The following TIMELESS variants were observed in gnomAD, a reference collection of about 807,000 sequenced individuals.
The protein encoded by TIMELESS is timeless circadian regulator, also known as protein timeless homolog.
In TIMELESS, 124 loss-of-function variants were observed where a neutral mutation model predicts 164.3. The ratio of observed to expected loss-of-function variants is 0.75; its 90% CI spans 0.65 to 0.88. The LOEUF is 0.88. TIMELESS is among the 40% of genes least tolerant of loss of function. The probability of loss-of-function intolerance (pLI) is 0.00; values close to 1 mark genes in which losing one functional copy is unlikely to be tolerated. For missense variants in TIMELESS, 1,422 were observed against 1,491.4 expected, an observed-to-expected ratio of 0.95 and a Z score of 0.77; for synonymous variants, 564 against 563.4, an observed-to-expected ratio of 1.00 and a Z score of -0.02.
At chr12:56,429,796 G>GT (rs1881811801) in intron 10 of TIMELESS, among the ~76,000 whole-genome samples, 1 of 151,440 alleles carries the variant, frequency 6.6e-6, no homozygotes, top group African/African-American at 2.4e-5. Flanking sequence ...GATTACAGGT[G>GT]TGAGCCACCA....
rs1217372941 is a variant in TIMELESS, at chr12:56,428,244, C to G, written c.1570G>C (p.Val524Leu). Residue 524 changes from valine (V) to leucine (L), a missense_variant, in exon 13 of 29, where the codon GTG (valine) becomes CTG (leucine). Transcript: ENST00000553532. ...ERFCRSRGNL[V>L]VQNKQKKRRK... ...GTGGGGCTGCCCAGTACCTGCACCA[C>G]CAGGTTCCCACGGCTCCGACAGAAT... The G allele has an allele frequency of 1.2e-6, 2 of 1,600,788 alleles. No homozygotes were observed. Among genetic ancestry groups the G allele is most frequent in the Admixed American group, 1.7e-5 (1 of 58,722 alleles).
chr12:56,426,247 C>T (rs983502780), intron 13 of TIMELESS, among the ~76,000 whole-genome samples: 3 of 152,152 alleles, frequency 2.0e-5, no homozygotes, highest in Non-Finnish European at 4.4e-5. Flanking sequence ...CCTAGTATTA[C>T]AGATAATACC....
intron 15 of TIMELESS, 128 bp from the exon 16 acceptor site, chr12:56,424,022 CAAA>C: frequency 2.5e-6 from 2 of 802,176 alleles, no homozygotes; most frequent in Non-Finnish European, 3.9e-6. Flanking sequence ...ACTGTTACCT[CAAA>C]TGAAACAAAG....
At chr12:56,433,190 T>TG in intron 5 of TIMELESS, 63 bp from the exon 6 acceptor site, 1 of 1,531,190 alleles carries the variant, frequency 6.5e-7, no homozygotes, top group South Asian at 1.1e-5. Context: ...GTACTCTGGC[T>TG]GGAAGACCCA....
At chr12:56,432,669 G>A (rs1290061463) in intron 6 of TIMELESS, 145 bp from the exon 7 acceptor site, 1 of 1,168,646 alleles carries the variant, frequency 8.6e-7, no homozygotes, top group Non-Finnish European at 1.2e-6. Context: ...GCTTGGCCGG[G>A]CGCGGTGGCT....
Position 56,433,774 on chromosome 12 carries a change from T to G in TIMELESS, c.250A>C (p.Arg84=). 1 of 1,614,178 alleles carries G rather than the reference T, an allele frequency of 6.2e-7. No individual in the cohort carries two copies. Among genetic ancestry groups the G allele is most frequent in the Middle Eastern group, 1.6e-4 (1 of 6,062 alleles). Residue 84 remains arginine, a splice_region_variant and synonymous_variant, in exon 3 of 29, where the codon AGA becomes CGA. Transcript: ENST00000553532. ...AAGTTTAAAAGCTAGGGAGGCAACC[T>G]GATAACAGCATCAAAGAGAGGCTTG... ...QDKPLFDAVI[R]LMVNLTQPAL...
intron 7 of TIMELESS, 138 bp from the exon 8 acceptor site, chr12:56,431,742 G>A (rs1449498797): frequency 3.7e-6 from 4 of 1,078,344 alleles, no homozygotes; most frequent in Non-Finnish European, 5.0e-6. Context: ...CTTATCTGAG[G>A]GGGAAATGTT....
At chr12:56,436,700 G>T (rs1882081471) in intron 1 of TIMELESS, among the ~76,000 whole-genome samples, 2 of 152,186 alleles carry the variant, frequency 1.3e-5, no homozygotes, top group South Asian at 4.1e-4. Flanking sequence ...ACAGTGGTCA[G>T]AATTCAGTAA....
Position 56,433,480 on chromosome 12 carries a change from T to C in TIMELESS, c.367-37A>G, listed in dbSNP as rs72478926. 9.8e-4 allele frequency: 1,585 copies of C among 1,614,000 alleles called. 23 individuals carry two copies. The East Asian group carries it at 0.024, about 25-fold the overall frequency. ...GGAACCTGATCTTAAGTAGCAGTCA[T>C]CCACTTCTTCACCACTGCCCCATAT... On this transcript the variant is annotated intron_variant, in intron 4 of 28. Transcript: ENST00000553532.
At chr12:56,430,348 A>C in intron 9 of TIMELESS, 67 bp from the exon 10 acceptor site, 1 of 1,524,734 alleles carries the variant, frequency 6.6e-7, no homozygotes, top group African/African-American at 1.4e-5. Context: ...GCTCTCGTCA[A>C]TTTTCTCAGA....
chr12:56,417,977 C>A lies in TIMELESS; in HGVS notation c.3486G>T (p.Lys1162Asn), dbSNP rs778088019. The change falls in exon 28 of 29, where the codon AAG becomes AAT. Residue 1162 changes from lysine to asparagine, a missense_variant. By Grantham distance (94) the Lys-to-Asn change is moderately conservative. Transcript: ENST00000553532. Reference protein sequence around the residue: ...EEDAVGKEPLKAAPKKRQLLD... With the variant: ...EEDAVGKEPLNAAPKKRQLLD... ...GCAATTGTCGTTTCTTGGGTGCTGC[C>A]TTCAGCGGCTCTTTACCAACAGCGT... The A allele has an allele frequency of 1.2e-6, 2 of 1,614,202 alleles. No individual in the cohort carries two copies. Among genetic ancestry groups the A allele is most frequent in the Middle Eastern group, 1.6e-4 (1 of 6,062 alleles).
intron 1 of TIMELESS, among the ~76,000 whole-genome samples, chr12:56,439,691 C>T (rs1427369234): frequency 6.6e-6 from 1 of 152,114 alleles, no homozygotes; most frequent in Non-Finnish European, 1.5e-5. Flanking sequence ...AACCACCACA[C>T]CTAGCCTGAA....
rs183532466 is a variant in TIMELESS at position 56,430,658 on chromosome 12, T to C, written c.909+223A>G. On this transcript the variant is annotated intron_variant, in intron 9 of 28. Coordinates refer to ENST00000553532, the MANE Select transcript of TIMELESS (RefSeq NM_003920.5). ...TTAAGATTACAGGCATGAGCCATTG[T>C]ACCCAACCTTTAATTTAATTTTTTT... Among the ~76,000 whole-genome samples the C allele has an allele frequency of 4.6e-5, 7 of 152,262 alleles. No individual in the cohort carries two copies. In the South Asian group the frequency reaches 1.2e-3, roughly 27 times the overall value.
chr12:56,421,861 C>T, intron 21 of TIMELESS, 38 bp downstream of exon 21: 6 of 1,613,178 alleles, frequency 3.7e-6, no homozygotes, highest in Non-Finnish European at 5.1e-6. Flanking sequence ...GATCACGAGT[C>T]CCCATCCCAA....
At chr12:56,418,436 T>C in intron 26 of TIMELESS, 77 bp from the exon 27 acceptor site, 2 of 1,055,476 alleles carry the variant, frequency 1.9e-6, no homozygotes, top group Non-Finnish European at 2.8e-6. Context: ...TGAATATATA[T>C]GACCCAATAT....
At chr12:56,444,882 T>C (rs891650560) in intron 1 of TIMELESS, among the ~76,000 whole-genome samples, 18 of 151,552 alleles carry the variant, frequency 1.2e-4, no homozygotes, top group Non-Finnish European at 2.4e-4. Context: ...CCCTCTCCCA[T>C]GCACTTCAAC....
intron 1 of TIMELESS, among the ~76,000 whole-genome samples, chr12:56,444,331 A>C (rs1472895281): frequency 6.6e-6 from 1 of 152,054 alleles, no homozygotes; most frequent in East Asian, 1.9e-4. Flanking sequence ...CCTTCCTGTT[A>C]GGAACAATTG....
intron 13 of TIMELESS, among the ~76,000 whole-genome samples, chr12:56,427,864 C>T (rs184827644): frequency 2.6e-5 from 4 of 152,332 alleles, no homozygotes; most frequent in Non-Finnish European, 1.5e-5. Context: ...GTGTGCGCCA[C>T]CATGCCTGGC....
intron 26 of TIMELESS, among the ~76,000 whole-genome samples, chr12:56,420,029 A>AAAAAAAATAT (rs1555176447): frequency 8.0e-5 from 6 of 75,188 alleles, no homozygotes; most frequent in East Asian, 1.0e-3. Context: ...AAAAAAAAAA[A>AAAAAAAATAT]ATATATATAT....
Sources: gnomAD v4.1 joint callset for allele counts (sites outside exome capture counted in the v4.1 genomes callset) on GRCh38, gnomAD v4.1.1 for gene constraint, MANE v1.5 for transcripts, NCBI Gene and HGNC (gene_info 2026-07-23, HGNC 2026-07-21) for gene names.